The following LRMDA variants were observed in gnomAD, a reference collection of about 807,000 sequenced individuals.
LRMDA encodes the protein leucine rich melanocyte differentiation associated.
LRMDA carries 18 observed loss-of-function variants against 29.8 expected under a neutral mutation model. The ratio of observed to expected loss-of-function variants is 0.60; its 90% CI spans 0.42 to 0.90. The LOEUF is 0.90. Among genes scored for constraint, LRMDA ranks in the 40% least tolerant of loss-of-function variants. The probability of loss-of-function intolerance (pLI) is 0.00; values close to 1 mark genes in which losing one functional copy is unlikely to be tolerated. For synonymous variants in LRMDA, 125 were observed against 109.4 expected, an observed-to-expected ratio of 1.14 and a Z score of -0.89; for missense variants, 273 against 273.9, an observed-to-expected ratio of 1.00 and a Z score of 0.02.
At chr10:76,357,313 G>A (rs1266199038) in intron 6 of LRMDA, among the ~76,000 whole-genome samples, 1 of 152,188 alleles carries the variant, frequency 6.6e-6, no homozygotes, top group Non-Finnish European at 1.5e-5. Context: ...ACTCGATCCA[G>A]ATTCTGGGTT....
intron 5 of LRMDA, among the ~76,000 whole-genome samples, chr10:76,119,422 A>C (rs1031547419): frequency 1.3e-5 from 2 of 151,674 alleles, no homozygotes; most frequent in Non-Finnish European, 2.9e-5. Context: ...TCTCCCTGAA[A>C]CTGCAGGGGC....
At chr10:75,846,041 G>T (rs576518344) in intron 2 of LRMDA, among the ~76,000 whole-genome samples, 1 of 152,120 alleles carries the variant, frequency 6.6e-6, no homozygotes, top group Admixed American at 6.6e-5. Flanking sequence ...TCACTCCTTA[G>T]GATGTTGAAG....
chr10:76,470,213 A>G (rs1400728551), intron 6 of LRMDA, among the ~76,000 whole-genome samples: 1 of 152,148 alleles, frequency 6.6e-6, no homozygotes, highest in Non-Finnish European at 1.5e-5. Flanking sequence ...ACAGGCTGAA[A>G]GCAGTACACC....
intron 2 of LRMDA, among the ~76,000 whole-genome samples, chr10:75,536,004 T>C (rs1839939691): frequency 6.6e-6 from 1 of 152,220 alleles, no homozygotes. Context: ...GCTGGTGTTC[T>C]GGATTGTGGG....
At chr10:76,357,868 G>T (rs1841261756) in intron 6 of LRMDA, among the ~76,000 whole-genome samples, 1 of 152,144 alleles carries the variant, frequency 6.6e-6, no homozygotes. Context: ...TTATTATGCA[G>T]TTCCTTATGC....
chr10:76,400,791 C>A (rs1000414630), intron 6 of LRMDA, among the ~76,000 whole-genome samples: 2 of 152,252 alleles, frequency 1.3e-5, no homozygotes, highest in Admixed American at 6.5e-5. Flanking sequence ...CGTTCTATAC[C>A]TCAGGTTCCT....
In LRMDA at chr10:76,521,064, C is replaced by T. The variant is rs552947980; in HGVS notation, c.602-36145C>T. ...CATAGTTGTAACTCTAGTGAACTTACAATTTCATGTTCTATGTTAGCATGG... is the reference window on the plus strand; with the variant it reads ...CATAGTTGTAACTCTAGTGAACTTATAATTTCATGTTCTATGTTAGCATGG... On this transcript the variant is annotated intron_variant, in intron 6 of 6. Coordinates refer to ENST00000611255, the MANE Select transcript of LRMDA (RefSeq NM_001305581.2). 3.4e-4 allele frequency among the ~76,000 whole-genome samples: 51 copies of T among 151,892 alleles called. 1 individual carries two copies. The South Asian group carries it at 1.0e-2, about 30-fold the overall frequency.
rs1564634966 is a variant in LRMDA at position 76,034,405 on chromosome 10, C to T, written c.132-1603C>T. 2.6e-5 allele frequency among the ~76,000 whole-genome samples: 4 copies of T among 152,082 alleles called. No individual in the cohort carries two copies. The South Asian group carries it at 8.3e-4, about 32-fold the overall frequency. On this transcript the variant is annotated intron_variant, in intron 2 of 6. Coordinates refer to ENST00000611255, the MANE Select transcript of LRMDA (RefSeq NM_001305581.2). The stretch of plus-strand genomic sequence containing the variant: ...GAAATGAAACACGATGACCTCTGGA[C>T]CCCTACTCCAAAATGTGTCCCCCCT...
chr10:76,209,689 G>T (rs1851601739), intron 5 of LRMDA, among the ~76,000 whole-genome samples: 1 of 152,064 alleles, frequency 6.6e-6, no homozygotes, highest in African/African-American at 2.4e-5. Context: ...TCCAAAGAAG[G>T]GTGTCTCTCT....
intron 2 of LRMDA, among the ~76,000 whole-genome samples, chr10:75,685,579 G>A (rs1589157286): frequency 1.3e-5 from 2 of 152,110 alleles, no homozygotes; most frequent in Admixed American, 6.5e-5. Context: ...AGAGCTTGTC[G>A]ACTTCCAGAC....
At chr10:75,512,735 G>A (rs1845239967) in intron 2 of LRMDA, among the ~76,000 whole-genome samples, 1 of 152,126 alleles carries the variant, frequency 6.6e-6, no homozygotes, top group Non-Finnish European at 1.5e-5. Context: ...CTGCTTGATG[G>A]TTGTGTATTT....
At chr10:75,598,630 A>G (rs1174231661) in intron 2 of LRMDA, among the ~76,000 whole-genome samples, 1 of 152,008 alleles carries the variant, frequency 6.6e-6, no homozygotes, top group East Asian at 1.9e-4. Context: ...TTCATTCTAT[A>G]GTAAATATTT....
intron 2 of LRMDA, among the ~76,000 whole-genome samples, chr10:75,587,069 C>T (rs1157952689): frequency 6.6e-6 from 1 of 152,100 alleles, no homozygotes; most frequent in Non-Finnish European, 1.5e-5. Context: ...GTCAAGAAGC[C>T]TTTCCTCGGT....
chr10:76,209,057 A>G (rs2395345), intron 5 of LRMDA, among the ~76,000 whole-genome samples: 47,851 of 151,860 alleles, frequency 0.32, 9,412 homozygotes, highest in East Asian at 0.6. Context: ...AGCAGGCTGA[A>G]GCAGGAGAAT....
intron 2 of LRMDA, among the ~76,000 whole-genome samples, chr10:75,773,268 C>G (rs1843267912): frequency 6.6e-6 from 1 of 152,204 alleles, no homozygotes; most frequent in African/African-American, 2.4e-5. Flanking sequence ...TTGAGAACCA[C>G]TGATCTCAGG....
At chr10:76,002,480 C>A (rs1260328652) in intron 2 of LRMDA, among the ~76,000 whole-genome samples, 1 of 151,298 alleles carries the variant, frequency 6.6e-6, no homozygotes, top group Non-Finnish European at 1.5e-5. Flanking sequence ...CAGTGGTTAG[C>A]CTCCGAACTT....
intron 5 of LRMDA, among the ~76,000 whole-genome samples, chr10:76,230,542 C>A (rs1437702812): frequency 1.4e-5 from 2 of 141,652 alleles, no homozygotes; most frequent in African/African-American, 5.1e-5. Flanking sequence ...TTATTTTTCA[C>A]TGTTAAGAGG....
At chr10:76,423,629 A>C (rs1012567722) in intron 6 of LRMDA, among the ~76,000 whole-genome samples, 3 of 152,172 alleles carry the variant, frequency 2.0e-5, no homozygotes, top group African/African-American at 7.2e-5. Flanking sequence ...AAAATTAATA[A>C]ATTTTGTTAT....
At chr10:75,603,130 A>C (rs1316031075) in intron 2 of LRMDA, among the ~76,000 whole-genome samples, 1 of 151,910 alleles carries the variant, frequency 6.6e-6, no homozygotes, top group Non-Finnish European at 1.5e-5. Flanking sequence ...GCAATGGCTT[A>C]TATATTTCAG....
Sources: allele counts gnomAD v4.1 joint callset (sites outside exome capture counted in the v4.1 genomes callset), GRCh38; gene constraint gnomAD v4.1.1; transcripts MANE v1.5; gene names NCBI Gene and HGNC (gene_info 2026-07-23, HGNC 2026-07-21).